Variants in SEM1 observed in about 807,000 individuals in gnomAD.
SEM1 encodes the protein 26S proteasome complex subunit SEM1.
SEM1 carries 3 observed loss-of-function variants against 12.7 expected under a neutral mutation model. The observed-to-expected ratio is 0.24, with a 90% confidence interval of 0.11 to 0.61. The LOEUF (loss-of-function observed/expected upper bound fraction) is 0.61. Among genes scored for constraint, SEM1 ranks in the 20% least tolerant of loss-of-function variants. The probability of loss-of-function intolerance (pLI) is 0.88; values close to 1 mark genes in which losing one functional copy is unlikely to be tolerated. For synonymous variants in SEM1, 30 were observed against 27.8 expected (o/e 1.08, Z -0.25); for missense variants, 59 against 81.3 (o/e 0.73, Z 1.06).
intron 1 of SEM1, among the ~76,000 whole-genome samples, chr7:96,492,891 T>G (rs1484103205): frequency 6.6e-6 from 1 of 152,118 alleles, no homozygotes; most frequent in African/African-American, 2.4e-5. Context: ...TGAACATGGA[T>G]GTACAAATAT....
chr7:96,703,514 T>C (rs921148526), intron 1 of SEM1, among the ~76,000 whole-genome samples: 1 of 152,152 alleles, frequency 6.6e-6, no homozygotes, highest in Non-Finnish European at 1.5e-5. Context: ...AATTCTTCTC[T>C]AGGAGTTTAT....
intron 2 of SEM1, among the ~76,000 whole-genome samples, chr7:96,678,144 A>C (rs186528670): frequency 6.6e-6 from 1 of 152,264 alleles, no homozygotes; most frequent in African/African-American, 2.4e-5. Flanking sequence ...CCATATTCAA[A>C]ATTGGTGAAA....
intron 2 of SEM1, among the ~76,000 whole-genome samples, chr7:96,580,517 C>T (rs201413690): frequency 6.6e-6 from 1 of 151,856 alleles, no homozygotes; most frequent in Non-Finnish European, 1.5e-5. Flanking sequence ...ATGGTATTTC[C>T]AGTTCTAGAT....
rs1211416307 is a variant in SEM1, at chr7:96,531,604, TG to T, written c.171-24907del. Among the ~76,000 whole-genome samples the T allele has an allele frequency of 8.9e-3, 301 of 34,000 alleles. 7 individuals are homozygous for T. Among genetic ancestry groups the T allele is most frequent in the Admixed American group, 0.081 (291 of 3,574 alleles). 22.3% of individuals were successfully genotyped at this position (34,000 alleles called of 152,430 possible). A position where few individuals can be genotyped will look rare whatever the true frequency, so the allele number is the denominator to read the frequency against. ...GCCTGGGCGACAGTGAGACTCTGTG[TG>T]GAAAAAAAAAAAAAAAAGGAAATGC... is the stretch of plus-strand genomic sequence containing the variant. On this transcript the variant is annotated intron_variant and NMD_transcript_variant, in intron 2 of 3. Coordinates refer to the SEM1 transcript ENST00000466986.
At chr7:96,645,390 G>T in intron 2 of SEM1, 1 of 172,736 alleles carries the variant, frequency 5.8e-6, no homozygotes, top group Non-Finnish European at 1.2e-5. Flanking sequence ...ACAGGAAAGC[G>T]GGCACAAACC....
chr7:96,659,796 T>C (rs1426856103), intron 2 of SEM1, among the ~76,000 whole-genome samples: 1 of 147,880 alleles, frequency 6.8e-6, no homozygotes, highest in Non-Finnish European at 1.5e-5. Context: ...TACAAACTAA[T>C]AGAGGGAAAA....
chr7:96,621,793 T>A (rs754391075), downstream of SEM1: 3 of 152,250 alleles, frequency 2.0e-5, no homozygotes, highest in African/African-American at 7.2e-5. Flanking sequence ...TTCTCTCTCT[T>A]TTAAAACTTA....
intron 1 of SEM1, among the ~76,000 whole-genome samples, chr7:96,706,061 G>C (rs1437678641): frequency 6.6e-6 from 1 of 152,110 alleles, no homozygotes; most frequent in Non-Finnish European, 1.5e-5. Context: ...CAAGAAGTTG[G>C]AGGCTGTATA....
At chr7:96,615,238 C>CTTTTTTTTT in intron 2 of SEM1, among the ~76,000 whole-genome samples, 1 of 30,468 alleles carries the variant, frequency 3.3e-5, no homozygotes, top group Non-Finnish European at 7.5e-5. Context: ...TTTTTTGAGT[C>CTTTTTTTTT]ATCTTTTTTT....
At chr7:96,606,366 T>G (rs1807380510) in intron 2 of SEM1, among the ~76,000 whole-genome samples, 1 of 152,166 alleles carries the variant, frequency 6.6e-6, no homozygotes, top group African/African-American at 2.4e-5. Flanking sequence ...TCTATTTAGC[T>G]ATAGCCAGAA....
At chr7:96,496,902 A>G (rs1563029775), upstream of SEM1, among the ~76,000 whole-genome samples, 2 of 152,090 alleles carry the variant, frequency 1.3e-5, no homozygotes. Flanking sequence ...CATATTAACA[A>G]GTATAAAATA....
At chr7:96,682,421 C>T (rs181734040) in intron 2 of SEM1, among the ~76,000 whole-genome samples, 118 of 152,058 alleles carry the variant, frequency 7.8e-4, no homozygotes, top group African/African-American at 2.6e-3. Context: ...TCCAATACTA[C>T]GTTGAATAGG....
chr7:96,492,688 C>G (rs562373983), intron 1 of SEM1, among the ~76,000 whole-genome samples: 67 of 149,564 alleles, frequency 4.5e-4, no homozygotes, highest in Admixed American at 2.8e-3. Context: ...GCCTTGGCCT[C>G]CCAAAGTACT....
intron 2 of SEM1, among the ~76,000 whole-genome samples, chr7:96,546,566 C>T (rs967831291): frequency 1.3e-5 from 2 of 152,084 alleles, no homozygotes. Context: ...TTAGGTTTGA[C>T]TAATTAATTG....
intron 2 of SEM1, among the ~76,000 whole-genome samples, chr7:96,590,511 A>G (rs942475913): frequency 6.6e-6 from 1 of 152,238 alleles, no homozygotes; most frequent in Non-Finnish European, 1.5e-5. Flanking sequence ...AAGGAAACGT[A>G]ATGATTATAT....
rs548545927 is a variant in SEM1, at chr7:96,622,578, T to C, written c.*38A>G. 3.3e-5 allele frequency: 25 copies of C among 764,184 alleles called. No homozygotes were observed. The East Asian group carries it at 6.1e-4, about 19-fold the overall frequency. 47.3% of individuals were successfully genotyped at this position (764,184 alleles called of 1,614,324 possible). ...TCTTTCTTATTAGCTGCATGATCAA[T>C]GTGAAGCCTGACTCCTGAGTATTGG... On this transcript the variant is annotated 3_prime_UTR_variant, in exon 3 of 3. Transcript: ENST00000417009.
chr7:96,530,310 G>A (rs946444737), intron 2 of SEM1, among the ~76,000 whole-genome samples: 2 of 152,092 alleles, frequency 1.3e-5, no homozygotes, highest in African/African-American at 4.8e-5. Context: ...GGAGGTCAAG[G>A]TGCACTACAG....
chr7:96,628,483 G>T (rs915861841), intron 2 of SEM1, among the ~76,000 whole-genome samples: 3 of 152,040 alleles, frequency 2.0e-5, no homozygotes, highest in East Asian at 3.9e-4. Context: ...GATGACAACT[G>T]AATACTCATT....
chr7:96,632,712 A>T (rs933487160), intron 2 of SEM1, among the ~76,000 whole-genome samples: 22 of 152,006 alleles, frequency 1.4e-4, no homozygotes, highest in South Asian at 2.1e-4. Context: ...TAATAATTTT[A>T]AAAAAACAGG....
Sources: gnomAD v4.1 joint callset for allele counts (sites outside exome capture counted in the v4.1 genomes callset) on GRCh38, gnomAD v4.1.1 for gene constraint, MANE v1.5 for transcripts, NCBI Gene and HGNC (gene_info 2026-07-23, HGNC 2026-07-21) for gene names.